Variants in ECE1 observed in about 807,000 individuals in gnomAD.
ECE1 encodes the protein endothelin-converting enzyme 1.
A neutral mutation model predicts 98.6 loss-of-function variants in ECE1; 35 were observed. The observed-to-expected ratio is 0.35, with a 90% CI of 0.27 to 0.47. ECE1 has a LOEUF of 0.47. ECE1 is among the 20% of genes least tolerant of loss of function. The pLI is 1.00. For synonymous variants in ECE1, 394 were observed against 407.1 expected, an observed-to-expected ratio of 0.97 and a Z score of 0.39; for missense variants, 814 against 1,025.3, an observed-to-expected ratio of 0.79 and a Z score of 2.81.
intron 1 of ECE1, among the ~76,000 whole-genome samples, chr1:21,301,827 G>GAAAA (rs34861827): frequency 1.8e-4 from 6 of 33,938 alleles, no homozygotes; most frequent in Non-Finnish European, 2.3e-4. Context: ...CCCTGTCTCA[G>GAAAA]AAAAAAAAAA....
In ECE1 at chr1:21,227,241, A is replaced by G. The variant is rs746651324; in HGVS notation, c.1782-15T>C. The G allele has an allele frequency of 1.2e-6, 2 of 1,613,218 alleles. No homozygotes were observed. Among genetic ancestry groups the G allele is most frequent in the Admixed American group, 3.3e-5 (2 of 60,014 alleles). ...AGTTTAAGGCCCTGGAGGGAAAGAC[A>G]CAAAGGTAGAGATGATGCTTTGAGA... On this transcript the variant is annotated splice_polypyrimidine_tract_variant and intron_variant, in intron 15 of 18. Transcript: ENST00000374893.
At position 21,233,078 on chromosome 1, in the gene ECE1, T is replaced by G. The variant is rs1213907686; in HGVS notation, c.1670+480A>C. On this transcript the variant is annotated intron_variant, in intron 14 of 18. Coordinates refer to ENST00000374893, the MANE Select transcript of ECE1 (RefSeq NM_001397.3). The surrounding 1 kb of genome is among the most constrained non-coding windows in gnomAD (Gnocchi z 4.0). ...GCCCATCCAGAACCTTCCCCAGGCC[T>G]CTGTGGGCTCCCTGTCCTGAGATCC... The G allele has an allele frequency of 5.9e-6, 1 of 169,070 alleles. No homozygotes were observed. The highest frequency in any genetic ancestry group is 1.6e-4 in the East Asian group (1 of 6,424). 10.5% of individuals were successfully genotyped at this position (169,070 alleles called of 1,614,324 possible). A position where few individuals can be genotyped will look rare whatever the true frequency, so the allele number is the denominator to read the frequency against.
intron 1 of ECE1, among the ~76,000 whole-genome samples, chr1:21,315,859 T>G (rs576340809): frequency 2.1e-5 from 3 of 146,264 alleles, no homozygotes; most frequent in African/African-American, 7.5e-5. Context: ...GCTCTATGAA[T>G]CCACTCCCTC....
chr1:21,232,930 T>C (rs1293866340), intron 14 of ECE1, among the ~76,000 whole-genome samples: 1 of 152,192 alleles, frequency 6.6e-6, no homozygotes, highest in East Asian at 1.9e-4. Flanking sequence ...CCACCTGTCT[T>C]GCCCTCCCAA....
At position 21,322,693 on chromosome 1, in the gene ECE1, C is replaced by T. The variant is rs1302675026; in HGVS notation, c.3+22683G>A. 3.3e-5 allele frequency among the ~76,000 whole-genome samples: 5 copies of T among 152,106 alleles called. No individual in the cohort carries two copies. Among genetic ancestry groups the T allele is most frequent in the African/African-American group, 1.2e-4 (5 of 41,384 alleles). The stretch of plus-strand genomic sequence containing the variant: ...TGGGGAAAAGGACAAGAAAACCCAG[C>T]GATGGAGAGGAGAGGCACAGGAAAG... On this transcript the variant is annotated intron_variant, in intron 1 of 18. Coordinates refer to the ECE1 transcript ENST00000415912. This position sits in a 1 kb window ranked among gnomAD's most constrained non-coding sequence, Gnocchi z 4.1.
chr1:21,332,713 AGGGGAGGGGAG>A (rs1395489261), intron 1 of ECE1, among the ~76,000 whole-genome samples: 12 of 1,230 alleles, frequency 9.8e-3, no homozygotes, highest in Admixed American at 0.018. Flanking sequence ...GAGGTGAGGG[AGGGGAGGGGAG>A]GGGAGGGGAG....
intron 15 of ECE1, among the ~76,000 whole-genome samples, chr1:21,227,518 C>T (rs948883761): frequency 3.3e-5 from 5 of 152,188 alleles, no homozygotes; most frequent in East Asian, 1.9e-4. Flanking sequence ...TAGCAATGGT[C>T]GCCATTGACC....
chr1:21,338,944 C>CT (rs11405038), intron 1 of ECE1, among the ~76,000 whole-genome samples: 106,144 of 152,004 alleles, frequency 0.7, 38,652 homozygotes, highest in African/African-American at 0.92. Flanking sequence ...GGGAAGGGAG[C>CT]TGTGGGAGGA....
intron 4 of ECE1, among the ~76,000 whole-genome samples, chr1:21,261,569 C>T (rs1480640499): frequency 6.6e-6 from 1 of 152,194 alleles, no homozygotes; most frequent in Admixed American, 6.5e-5. Flanking sequence ...AGGCCCTCAC[C>T]GCTCTGCATA....
At chr1:21,232,315 T>C (rs999444002) in intron 14 of ECE1, among the ~76,000 whole-genome samples, 1 of 152,010 alleles carries the variant, frequency 6.6e-6, no homozygotes, top group Admixed American at 6.6e-5. Context: ...TTTCTTTTTT[T>C]TCAGGCAGGG....
intron 8 of ECE1, 60 bp downstream of exon 8, chr1:21,255,887 G>A (rs1158209413): frequency 1.5e-5 from 24 of 1,572,040 alleles, no homozygotes; most frequent in Non-Finnish European, 2.0e-5. Context: ...CCCCAGTCCA[G>A]GGCCCTGTCT....
At chr1:21,238,091 C>G (rs377454823) in intron 11 of ECE1, 43 bp downstream of exon 11, 2 of 1,559,376 alleles carry the variant, frequency 1.3e-6, no homozygotes, top group Non-Finnish European at 8.8e-7. Context: ...CAGGCCACAA[C>G]AAGTGTGACC....
At chr1:21,246,509 A>AG (rs1413748609) in intron 9 of ECE1, among the ~76,000 whole-genome samples, 1 of 151,570 alleles carries the variant, frequency 6.6e-6, no homozygotes, top group African/African-American at 2.4e-5. Flanking sequence ...AAAAAAAAAA[A>AG]AAAAAGAAAA....
At chr1:21,326,126 C>T (rs1639074508) in intron 1 of ECE1, among the ~76,000 whole-genome samples, 1 of 152,136 alleles carries the variant, frequency 6.6e-6, no homozygotes, top group South Asian at 2.1e-4. Flanking sequence ...CAGCCCCCAT[C>T]CTTCTGCCGC....
At chr1:21,234,288 A>G (rs2098185382) in intron 13 of ECE1, among the ~76,000 whole-genome samples, 1 of 151,728 alleles carries the variant, frequency 6.6e-6, no homozygotes, top group Non-Finnish European at 1.5e-5. Context: ...ACGCCCGGCC[A>G]CTAATAAGCA....
chr1:21,236,671 G>A, intron 12 of ECE1, 75 bp downstream of exon 12: 1 of 1,393,494 alleles, frequency 7.2e-7, no homozygotes, highest in Non-Finnish European at 1.0e-6. Flanking sequence ...AAAAAAACCG[G>A]CCTCTCCTTC....
chr1:21,246,498 C>CAAAAAAAAAAAA (rs368916726), intron 9 of ECE1, among the ~76,000 whole-genome samples: 1 of 96,718 alleles, frequency 1.0e-5, no homozygotes, highest in Non-Finnish European at 2.0e-5. Context: ...GACTCCATCT[C>CAAAAAAAAAAAA]AAAAAAAAAA....
intron 3 of ECE1, among the ~76,000 whole-genome samples, chr1:21,273,784 G>A (rs2098243325): frequency 6.6e-6 from 1 of 152,226 alleles, no homozygotes; most frequent in African/African-American, 2.4e-5. Context: ...GAACCCGGGA[G>A]ATGGAGGTTA....
intron 1 of ECE1, among the ~76,000 whole-genome samples, chr1:21,323,869 G>A (rs2103405225): frequency 6.7e-6 from 1 of 150,306 alleles, no homozygotes; most frequent in Admixed American, 6.7e-5. Context: ...CCAGGCTGGA[G>A]TGCAATGGTG....
Sources: gnomAD v4.1 joint callset for allele counts (sites outside exome capture counted in the v4.1 genomes callset) on GRCh38, gnomAD v4.1.1 for gene constraint, Gnocchi (gnomAD v3.1) non-coding constraint, MANE v1.5 for transcripts, NCBI Gene and HGNC (gene_info 2026-07-23, HGNC 2026-07-21) for gene names.